The following EYA4 variants were observed in gnomAD, a reference collection of about 807,000 sequenced individuals.
The protein encoded by EYA4 is protein phosphatase EYA4.
EYA4 carries 31 observed loss-of-function variants against 87.9 expected under a neutral mutation model. The ratio of observed to expected loss-of-function variants is 0.35; its 90% confidence interval spans 0.27 to 0.48. EYA4 has a LOEUF of 0.48. Ranked by LOEUF, EYA4 falls within the 20% of genes least tolerant of loss-of-function variation. The probability of loss-of-function intolerance (pLI) is 0.99; values close to 1 mark genes in which losing one functional copy is unlikely to be tolerated. For missense variants in EYA4, 678 were observed against 761.4 expected (o/e 0.89, Z 1.29); for synonymous variants, 263 against 270.6 (o/e 0.97, Z 0.28).
At chr6:133,312,292 T>C (rs1582922502) in intron 2 of EYA4, among the ~76,000 whole-genome samples, 1 of 151,916 alleles carries the variant, frequency 6.6e-6, no homozygotes, top group East Asian at 1.9e-4. Flanking sequence ...AGGCTTTTGG[T>C]TAAGCACTTG....
intron 3 of EYA4, among the ~76,000 whole-genome samples, chr6:133,426,072 A>T (rs1790649125): frequency 1.3e-5 from 2 of 150,952 alleles, no homozygotes. Context: ...GAAAACTCAG[A>T]ACTCAGATTT....
intron 2 of EYA4, among the ~76,000 whole-genome samples, chr6:133,282,853 C>G (rs1777740729): frequency 6.6e-6 from 1 of 152,114 alleles, no homozygotes; most frequent in Non-Finnish European, 1.5e-5. Context: ...TAATTCTGGT[C>G]TGGTGAGTTG....
intron 2 of EYA4, among the ~76,000 whole-genome samples, chr6:133,347,271 T>C (rs111393004): frequency 0.02 from 3,055 of 152,318 alleles, 92 homozygotes; most frequent in African/African-American, 0.065. Flanking sequence ...TGTGTTTGCT[T>C]TCATATGCTT....
At chr6:133,479,168 T>G (rs568524535) in intron 11 of EYA4, among the ~76,000 whole-genome samples, 2 of 152,280 alleles carry the variant, frequency 1.3e-5, no homozygotes, top group Middle Eastern at 6.8e-3. Context: ...GTTTCAAAAA[T>G]AATTAAAAAT....
rs912825128 is a variant in EYA4, at chr6:133,301,249, G to T, written c.33+26436G>T. 6.6e-5 allele frequency among the ~76,000 whole-genome samples: 10 copies of T among 152,270 alleles called. No individual in the cohort carries two copies. The South Asian group carries it at 2.1e-3, about 32-fold the overall frequency. On this transcript the variant is annotated intron_variant, in intron 2 of 19. Coordinates refer to ENST00000355286, the MANE Select transcript of EYA4 (RefSeq NM_004100.5). ...ATTCATTCAAAAAAACATTTACAGA[G>T]AATTTCCTTAAGGAAAACCTGATGA...
At chr6:133,253,905 A>G (rs997867398) in intron 1 of EYA4, among the ~76,000 whole-genome samples, 1 of 152,070 alleles carries the variant, frequency 6.6e-6, no homozygotes, top group Non-Finnish European at 1.5e-5. Flanking sequence ...ACACCTGGAG[A>G]TGTTAATGGA....
intron 1 of EYA4, among the ~76,000 whole-genome samples, chr6:133,244,597 AT>A (rs144261127): frequency 6.8e-6 from 1 of 147,910 alleles, no homozygotes; most frequent in African/African-American, 2.5e-5. Context: ...GCTATAATTT[AT>A]TTTTTTCTTT....
chr6:133,275,250 C>T (rs917345122), intron 2 of EYA4, among the ~76,000 whole-genome samples: 6 of 152,158 alleles, frequency 3.9e-5, no homozygotes, highest in Admixed American at 1.3e-4. Flanking sequence ...TAGTATTTTA[C>T]TAGATTCATT....
At chr6:133,378,242 TC>T (rs1785873991) in intron 2 of EYA4, among the ~76,000 whole-genome samples, 1 of 152,128 alleles carries the variant, frequency 6.6e-6, no homozygotes, top group African/African-American at 2.4e-5. Flanking sequence ...AAGTTGTAAT[TC>T]CAGCCTTGCT....
At chr6:133,282,323 T>G (rs927636495) in intron 2 of EYA4, among the ~76,000 whole-genome samples, 5 of 152,222 alleles carry the variant, frequency 3.3e-5, no homozygotes, top group African/African-American at 1.2e-4. Context: ...GGTTCTGATT[T>G]GCACTTCTCT....
intron 2 of EYA4, among the ~76,000 whole-genome samples, chr6:133,319,392 TCTTA>T (rs1780877104): frequency 6.6e-6 from 1 of 152,218 alleles, no homozygotes; most frequent in Non-Finnish European, 1.5e-5. Context: ...CGCCTTTTTT[TCTTA>T]CTTCATAGCT....
chr6:133,505,132 T>A (rs1583489307), intron 13 of EYA4, among the ~76,000 whole-genome samples: 1 of 152,314 alleles, frequency 6.6e-6, no homozygotes, highest in East Asian at 1.9e-4. Flanking sequence ...ATCTTCGGAG[T>A]TGCACCTATG....
intron 1 of EYA4, among the ~76,000 whole-genome samples, chr6:133,264,334 G>T (rs1290670674): frequency 6.6e-6 from 1 of 152,236 alleles, no homozygotes; most frequent in African/African-American, 2.4e-5. Flanking sequence ...AAGAATTTCT[G>T]ATTTCTTCTG....
intron 2 of EYA4, among the ~76,000 whole-genome samples, chr6:133,302,653 TACTA>T (rs2128316664): frequency 6.6e-6 from 1 of 152,316 alleles, no homozygotes; most frequent in African/African-American, 2.4e-5. Context: ...CACAACAACT[TACTA>T]TTTATCAGCT....
chr6:133,381,498 A>AT (rs779479908), intron 2 of EYA4, among the ~76,000 whole-genome samples: 58 of 151,008 alleles, frequency 3.8e-4, no homozygotes, highest in Admixed American at 1.9e-3. Flanking sequence ...ATTCAGTAGA[A>AT]TTTTTTTTTG....
At chr6:133,255,618 A>G (rs925027795) in intron 1 of EYA4, among the ~76,000 whole-genome samples, 2 of 151,916 alleles carry the variant, frequency 1.3e-5, no homozygotes, top group South Asian at 4.1e-4. Context: ...TTTTTTCTAT[A>G]TATGTGTAAA....
intron 2 of EYA4, among the ~76,000 whole-genome samples, chr6:133,322,298 T>C (rs979128561): frequency 2.0e-5 from 3 of 152,196 alleles, no homozygotes; most frequent in Non-Finnish European, 2.9e-5. Context: ...GAATGTAGAA[T>C]TGTGTAGTCG....
intron 10 of EYA4, 60 bp downstream of exon 10, chr6:133,464,918 C>G (rs778711408): frequency 1.8e-6 from 2 of 1,123,936 alleles, no homozygotes; most frequent in Non-Finnish European, 2.7e-6. Flanking sequence ...GAAGAGTACT[C>G]TCAGGTTGCC....
At chr6:133,444,291 G>T (rs962078821) in intron 3 of EYA4, among the ~76,000 whole-genome samples, 1 of 151,898 alleles carries the variant, frequency 6.6e-6, no homozygotes, top group South Asian at 2.1e-4. Context: ...CTTTATATTT[G>T]CTGATAGTCT....
Sources: gnomAD v4.1 joint callset for allele counts (sites outside exome capture counted in the v4.1 genomes callset) on GRCh38, gnomAD v4.1.1 for gene constraint, MANE v1.5 for transcripts, NCBI Gene and HGNC (gene_info 2026-07-23, HGNC 2026-07-21) for gene names.